Variants in MCCC1 observed in about 807,000 individuals in gnomAD.
MCCC1 encodes the protein methylcrotonyl-CoA carboxylase subunit 1, also known as methylcrotonoyl-CoA carboxylase subunit alpha, mitochondrial.
Under a neutral mutation model 83.8 loss-of-function variants are expected in MCCC1, and 64 were observed. The observed-to-expected ratio is 0.76, with a 90% CI of 0.62 to 0.94. The LOEUF (loss-of-function observed/expected upper bound fraction) is 0.94. Ranked by LOEUF, MCCC1 falls within the 40% of genes least tolerant of loss-of-function variation. The probability of loss-of-function intolerance (pLI) is 0.00; values close to 1 mark genes in which losing one functional copy is unlikely to be tolerated. For synonymous variants in MCCC1, 322 were observed against 315.4 expected (o/e 1.02, Z -0.22); for missense variants, 807 against 904.7 (o/e 0.89, Z 1.39).
chr3:183,069,173 A>T (rs1386631564), intron 7 of MCCC1, among the ~76,000 whole-genome samples: 1 of 152,244 alleles, frequency 6.6e-6, no homozygotes, highest in Non-Finnish European at 1.5e-5. Context: ...CAGGCAATAT[A>T]TACAAAAAAT....
intron 1 of MCCC1, among the ~76,000 whole-genome samples, chr3:183,096,543 G>C (rs1293556618): frequency 6.6e-6 from 1 of 152,186 alleles, no homozygotes; most frequent in Non-Finnish European, 1.5e-5. Context: ...TACATATTAT[G>C]TATATGACTA....
chr3:183,110,755 G>A (rs552366282), intron 1 of MCCC1, among the ~76,000 whole-genome samples: 1 of 152,220 alleles, frequency 6.6e-6, no homozygotes, highest in Non-Finnish European at 1.5e-5. Flanking sequence ...ATTCTTCTAG[G>A]ACTTCTATAG....
At chr3:183,040,825 T>C (rs537889545) in intron 11 of MCCC1, among the ~76,000 whole-genome samples, 3 of 152,220 alleles carry the variant, frequency 2.0e-5, no homozygotes, top group Non-Finnish European at 4.4e-5. Flanking sequence ...CCCATCACTG[T>C]ATAACTTATT....
intron 4 of MCCC1, among the ~76,000 whole-genome samples, chr3:183,082,691 G>A (rs1309848904): frequency 1.3e-5 from 2 of 152,174 alleles, no homozygotes; most frequent in African/African-American, 2.4e-5. Flanking sequence ...TCGAGAGAAC[G>A]AGTGTGGCCA....
rs1456250624 is a variant in MCCC1, at chr3:183,017,251, T to G, written c.2049+15A>C. 23 of 1,612,448 alleles carry G rather than the reference T, an allele frequency of 1.4e-5. No homozygotes were observed. Among genetic ancestry groups the G allele is most frequent in the Non-Finnish European group, 1.8e-5 (21 of 1,179,078 alleles). On this transcript the variant is annotated intron_variant, in intron 18 of 18. Transcript: ENST00000265594. ...CCCAAAGTCCTCATAGCAAATGAACTCATGATTTCCTTACCTCCATCTTCA... is the reference window on the plus strand; with the variant it reads ...CCCAAAGTCCTCATAGCAAATGAACGCATGATTTCCTTACCTCCATCTTCA...
intron 18 of MCCC1, 173 bp downstream of exon 18, chr3:183,017,093 T>C (rs572699590): frequency 4.7e-6 from 3 of 639,620 alleles, no homozygotes; most frequent in Non-Finnish European, 8.3e-6. Flanking sequence ...AAAGTTAAAG[T>C]AAAACTCTTT....
intron 1 of MCCC1, among the ~76,000 whole-genome samples, chr3:183,095,565 T>C (rs965804168): frequency 6.6e-5 from 10 of 152,212 alleles, no homozygotes; most frequent in South Asian, 6.2e-4. Flanking sequence ...TCTCCAACTT[T>C]TTTTTCATTA....
upstream of MCCC1, among the ~76,000 whole-genome samples, chr3:183,102,791 T>G (rs1442209994): frequency 9.5e-5 from 11 of 115,518 alleles, 2 homozygotes; most frequent in East Asian, 2.6e-3. Flanking sequence ...TTTTTTTTTT[T>G]TTTTTTTTTT....
At chr3:183,053,114 G>A (rs1427561110) in intron 8 of MCCC1, among the ~76,000 whole-genome samples, 2 of 152,156 alleles carry the variant, frequency 1.3e-5, no homozygotes, top group Non-Finnish European at 2.9e-5. Flanking sequence ...TGATGATCCT[G>A]ATTCTGTTTA....
At chr3:183,042,362 T>C (rs1560225212) in intron 10 of MCCC1, among the ~76,000 whole-genome samples, 1 of 152,242 alleles carries the variant, frequency 6.6e-6, no homozygotes, top group Non-Finnish European at 1.5e-5. Flanking sequence ...ATTTTAGTTA[T>C]TATGTACCAA....
At chr3:183,073,231 T>C (rs1389813821) in intron 4 of MCCC1, among the ~76,000 whole-genome samples, 1 of 152,192 alleles carries the variant, frequency 6.6e-6, no homozygotes, top group Non-Finnish European at 1.5e-5. Flanking sequence ...CAGAAGTTTC[T>C]ATATACTTAA....
chr3:183,108,132 A>C (rs1719436303), intron 1 of MCCC1, among the ~76,000 whole-genome samples: 1 of 152,166 alleles, frequency 6.6e-6, no homozygotes, highest in Non-Finnish European at 1.5e-5. Flanking sequence ...AGGAAGAAAA[A>C]GTGTGTTATG....
At position 183,071,351 on chromosome 3, in the gene MCCC1, G is replaced by C; in HGVS notation, c.498C>G (p.Ser166=). 2 of 1,614,170 alleles carry C rather than the reference G, an allele frequency of 1.2e-6. No homozygotes were observed. The highest frequency in any genetic ancestry group is 2.2e-5 in the East Asian group (1 of 44,874). The change falls in exon 6 of 19, where the codon TCC becomes TCG. Residue 166 remains serine, a synonymous_variant. Transcript: ENST00000265594. ...AIRDMGIKST[S]KSIMAAAGVP... ...CTCCAGCAGCAGCCATTATGGATTT[G>C]GATGTGCTTTAGAGTGGGAAAGAAA...
rs569931579 is a variant in MCCC1, at chr3:183,016,991, C to G, written c.2049+275G>C. On this transcript the variant is annotated intron_variant, in intron 18 of 18. Coordinates refer to ENST00000265594, the MANE Select transcript of MCCC1 (RefSeq NM_020166.5). The stretch of plus-strand genomic sequence containing the variant: ...TCAGTTGGATTATCTTAGAAAATAC[C>G]AACAGTTAACATTCAGTTGGATTAT... The G allele has an allele frequency of 1.6e-4, 75 of 478,094 alleles. 1 individual carries two copies. The highest frequency in any genetic ancestry group is 1.4e-3 in the African/African-American group (71 of 51,126). 29.6% of individuals were successfully genotyped at this position (478,094 alleles called of 1,614,324 possible).
At chr3:183,104,923 A>G (rs1278140475) in intron 1 of MCCC1, among the ~76,000 whole-genome samples, 1 of 152,238 alleles carries the variant, frequency 6.6e-6, no homozygotes, top group Non-Finnish European at 1.5e-5. Flanking sequence ...AAACTCTTTG[A>G]CCTAGCAAAA....
intron 7 of MCCC1, among the ~76,000 whole-genome samples, chr3:183,068,676 CAGACTGCATAT>C (rs1238834748): frequency 6.6e-6 from 1 of 152,158 alleles, no homozygotes; most frequent in Non-Finnish European, 1.5e-5. Flanking sequence ...CCATCAATGC[CAGACTGCATAT>C]AGGATGGTGA....
chr3:183,086,740 G>C lies in MCCC1; in HGVS notation c.322C>G (p.Leu108Val), dbSNP rs1163879867. 2 of 1,614,164 alleles carry C rather than the reference G, an allele frequency of 1.2e-6. No individual in the cohort carries two copies. Among genetic ancestry groups the C allele is most frequent in the Non-Finnish European group, 1.7e-6 (2 of 1,180,046 alleles). ...ACTTGAATGATTTTCTCCATAGATA[G>C]GTAGCTCTGCTGGGAGGGAGCGGGG... is the stretch of plus-strand genomic sequence containing the variant. Reference protein sequence around the residue: ...IGPAPSQQSYLSMEKIIQVAK... With the variant: ...IGPAPSQQSYVSMEKIIQVAK... The change falls in exon 4 of 19, where the codon CTA becomes GTA. Residue 108 changes from leucine to valine, a missense_variant. By Grantham distance (32) the Leu-to-Val change is conservative. Coordinates refer to ENST00000265594, the MANE Select transcript of MCCC1 (RefSeq NM_020166.5).
At chr3:183,067,864 G>A (rs1716367616) in intron 7 of MCCC1, among the ~76,000 whole-genome samples, 1 of 152,146 alleles carries the variant, frequency 6.6e-6, no homozygotes, top group Admixed American at 6.5e-5. Context: ...GTGTAGAAAT[G>A]CAGGATAAGC....
At chr3:183,085,971 G>A (rs918148566) in intron 4 of MCCC1, among the ~76,000 whole-genome samples, 5 of 152,192 alleles carry the variant, frequency 3.3e-5, no homozygotes, top group African/African-American at 1.2e-4. Flanking sequence ...CCACAGATCT[G>A]AGAACAGCTG....
Sources: allele counts gnomAD v4.1 joint callset (sites outside exome capture counted in the v4.1 genomes callset), GRCh38; gene constraint gnomAD v4.1.1; transcripts MANE v1.5; gene names NCBI Gene and HGNC (gene_info 2026-07-23, HGNC 2026-07-21).